Variants in CENPC observed in about 807,000 individuals in gnomAD.
CENPC encodes CENP-C 1.
A neutral mutation model predicts 112.1 loss-of-function variants in CENPC; 63 were observed. That is an observed-to-expected ratio of 0.56 (90% CI 0.46 to 0.69). The LOEUF is 0.69. Ranked by LOEUF, CENPC falls within the 30% of genes least tolerant of loss-of-function variation. CENPC has a pLI of 0.00. For missense variants in CENPC, 1,000 were observed against 1,103.8 expected (o/e 0.91, Z 1.33); for synonymous variants, 333 against 367.6 (o/e 0.91, Z 1.08).
chr4:67,517,363 T>C (rs1181873224), intron 7 of CENPC, among the ~76,000 whole-genome samples: 2 of 151,472 alleles, frequency 1.3e-5, no homozygotes, highest in Non-Finnish European at 2.9e-5. Context: ...GGTTTCACCA[T>C]GTTGGTCAGG....
rs377025154 is a variant in CENPC at position 67,518,207 on chromosome 4, T to G, written c.779A>C (p.Lys260Thr). The G allele has an allele frequency of 6.4e-7, 1 of 1,558,202 alleles. No individual in the cohort carries two copies. The change falls in exon 7 of 19, where the codon AAA (lysine) becomes ACA (threonine). Residue 260 changes from lysine to threonine, a missense_variant. Coordinates refer to ENST00000273853, the MANE Select transcript of CENPC (RefSeq NM_001812.4). ...TTCTAAAAACAATGTTGAAAAACTT[T>G]TTTTAGCTTGTCGTTGAATTTCATA... ...SEYEIQRQAK[K>T]SFSTLFLETV...
chr4:67,513,068 G>C (rs1725942177), intron 8 of CENPC, among the ~76,000 whole-genome samples: 1 of 152,064 alleles, frequency 6.6e-6, no homozygotes, highest in African/African-American at 2.4e-5. Flanking sequence ...GGAAGAAGAG[G>C]CAAGATAAAT....
intron 7 of CENPC, among the ~76,000 whole-genome samples, chr4:67,515,335 G>T (rs1340878090): frequency 2.0e-5 from 3 of 151,500 alleles, no homozygotes; most frequent in African/African-American, 7.3e-5. Context: ...GCATGATGGC[G>T]GGTGCCTGTA....
chr4:67,476,339 C>T (rs1225325201), intron 17 of CENPC, among the ~76,000 whole-genome samples: 1 of 152,152 alleles, frequency 6.6e-6, no homozygotes, highest in Non-Finnish European at 1.5e-5. Context: ...ACCGTGAGTG[C>T]CCAAAGTGTG....
At chr4:67,513,540 T>C (rs355463) in intron 8 of CENPC, among the ~76,000 whole-genome samples, 138,234 of 152,176 alleles carry the variant, frequency 0.91, 63,018 homozygotes, top group South Asian at 0.95. Context: ...AAATTTTGTA[T>C]CCTTCCTTTT....
chr4:67,520,871 G>A lies in CENPC; in HGVS notation c.332-1369C>T, dbSNP rs529370049. 8.5e-5 allele frequency among the ~76,000 whole-genome samples: 13 copies of A among 152,100 alleles called. No individual in the cohort carries two copies. In the East Asian group the frequency reaches 2.3e-3, roughly 27 times the overall value. ...TACTAAAAATACAAAAATTAGCCAG[G>A]CGTAGTGGCACATGCCTGTAATCCC... On this transcript the variant is annotated intron_variant, in intron 5 of 18. Transcript: ENST00000273853.
rs536021619 is a variant in CENPC, at chr4:67,511,318, A to G, written c.1612+1084T>C. 3.0e-4 allele frequency among the ~76,000 whole-genome samples: 45 copies of G among 152,254 alleles called. No individual in the cohort carries two copies. The South Asian group carries it at 8.9e-3, about 30-fold the overall frequency. ...ATAGCAATAAGGCCTCACATATACAATGCCATAGTTGTACTAATCATTCAC... is the reference window on the plus strand; with the variant it reads ...ATAGCAATAAGGCCTCACATATACAGTGCCATAGTTGTACTAATCATTCAC... On this transcript the variant is annotated intron_variant, in intron 9 of 18. Coordinates refer to ENST00000273853, the MANE Select transcript of CENPC (RefSeq NM_001812.4).
At position 67,545,444 on chromosome 4, in the gene CENPC, C is replaced by T. The variant is rs1393955196; in HGVS notation, c.-89G>A. The T allele has an allele frequency of 1.5e-6, 2 of 1,354,904 alleles. No individual in the cohort carries two copies. The highest frequency in any genetic ancestry group is 2.0e-6 in the Non-Finnish European group (2 of 1,023,138). 83.9% of individuals were successfully genotyped at this position (1,354,904 alleles called of 1,614,324 possible). ...GGAAGCCGAGCAAGAAACGAATCGC[C>T]GGAATACCAGGCCGCGGCCAAGCAA... On this transcript the variant is annotated 5_prime_UTR_variant, in exon 1 of 19. Coordinates refer to ENST00000273853, the MANE Select transcript of CENPC (RefSeq NM_001812.4).
At chr4:67,475,990 C>T (rs1724794904) in intron 17 of CENPC, among the ~76,000 whole-genome samples, 2 of 152,304 alleles carry the variant, frequency 1.3e-5, no homozygotes, top group South Asian at 4.1e-4. Context: ...TATAAGGTTA[C>T]AATGGCATTT....
chr4:67,496,726 A>G lies in CENPC; in HGVS notation c.2132-1514T>C, dbSNP rs1725440925. 2.6e-5 allele frequency among the ~76,000 whole-genome samples: 4 copies of G among 152,206 alleles called. No homozygotes were observed. In the South Asian group the frequency reaches 8.3e-4, roughly 31 times the overall value. ...GGTAGGCCCAGGGAAAGGAAATGAA[A>G]GTCGGCTACTAAAGGGTAAAGGGGT... On this transcript the variant is annotated intron_variant, in intron 12 of 18. Coordinates refer to ENST00000273853, the MANE Select transcript of CENPC (RefSeq NM_001812.4).
intron 11 of CENPC, among the ~76,000 whole-genome samples, chr4:67,505,861 T>C (rs913627296): frequency 6.6e-6 from 1 of 152,024 alleles, no homozygotes. Context: ...AGTAACAGAC[T>C]TAGTAAATTC....
chr4:67,519,562 G>C (rs1726163669), intron 5 of CENPC, 60 bp from the exon 6 acceptor site: 1 of 1,153,020 alleles, frequency 8.7e-7, no homozygotes, highest in African/African-American at 1.6e-5. Flanking sequence ...GAATCAAGCA[G>C]GCTTTTTAAA....
intron 4 of CENPC, among the ~76,000 whole-genome samples, chr4:67,539,114 T>G (rs1261219554): frequency 1.3e-5 from 2 of 152,172 alleles, no homozygotes; most frequent in Admixed American, 1.3e-4. Flanking sequence ...CAAAAAAAGT[T>G]AATACTTTAT....
In CENPC at chr4:67,470,231, G is replaced by A. The variant is rs1269775692; in HGVS notation, c.*2374C>T. ...AGACGTGGCTCTGACCAAGCAGAATGGAGAGCCTTTGCTGAACCATATGGG... is the reference window on the plus strand; with the variant it reads ...AGACGTGGCTCTGACCAAGCAGAATAGAGAGCCTTTGCTGAACCATATGGG... On this transcript the variant is annotated 3_prime_UTR_variant, in exon 19 of 19. Coordinates refer to ENST00000273853, the MANE Select transcript of CENPC (RefSeq NM_001812.4). 6.6e-6 allele frequency: 1 copy of A among 152,180 alleles called. No individual in the cohort carries two copies. The allele number at this position is 152,180 out of a possible 1,614,324, so 9.4% of individuals were successfully genotyped here.
Position 67,520,737 on chromosome 4 carries a change from C to T in CENPC, c.332-1235G>A, listed in dbSNP as rs372417894. 1.4e-4 allele frequency among the ~76,000 whole-genome samples: 21 copies of T among 152,186 alleles called. No individual in the cohort carries two copies. The South Asian group carries it at 1.5e-3, about 11-fold the overall frequency. On this transcript the variant is annotated intron_variant, in intron 5 of 18. Transcript: ENST00000273853. ...ATAAAACTAGGAAAGAGGGGCTGGG[C>T]GCAGTGGTTCATGCCTGCAATCCCA...
rs1042027424 is a variant in CENPC, at chr4:67,470,469, G to C, written c.*2136C>G. On this transcript the variant is annotated 3_prime_UTR_variant, in exon 19 of 19. Transcript: ENST00000273853. ...CAACTGTAATCCCAGCTACTCAGGAGGCTGACGCAGGAGAATTGCTTGAAC... is the reference window on the plus strand; with the variant it reads ...CAACTGTAATCCCAGCTACTCAGGACGCTGACGCAGGAGAATTGCTTGAAC... The C allele has an allele frequency of 6.6e-6, 1 of 151,472 alleles. No homozygotes were observed. Among genetic ancestry groups the C allele is most frequent in the Admixed American group, 6.6e-5 (1 of 15,138 alleles). The allele number at this position is 151,472 out of a possible 1,614,324, so 9.4% of individuals were successfully genotyped here.
chr4:67,473,176 C>T (rs539995351), intron 18 of CENPC, among the ~76,000 whole-genome samples: 1 of 151,686 alleles, frequency 6.6e-6, no homozygotes, highest in Non-Finnish European at 1.5e-5. Flanking sequence ...GCTATCCTCC[C>T]GCCTCTTGCC....
At chr4:67,534,064 T>C (rs355485) in intron 4 of CENPC, among the ~76,000 whole-genome samples, 95,735 of 151,656 alleles carry the variant, frequency 0.63, 30,441 homozygotes, top group East Asian at 0.81. Flanking sequence ...ACAGAGGGTG[T>C]TAAAAGCGTG....
In CENPC at chr4:67,470,160, TG is replaced by T. The variant is rs1315357162; in HGVS notation, c.*2444del. 1.3e-4 allele frequency: 20 copies of T among 152,212 alleles called. No individual in the cohort carries two copies. Among genetic ancestry groups the T allele is most frequent in the African/African-American group, 4.1e-4 (17 of 41,438 alleles). 9.4% of individuals were successfully genotyped at this position (152,212 alleles called of 1,614,324 possible). On this transcript the variant is annotated 3_prime_UTR_variant, in exon 19 of 19. Coordinates refer to ENST00000273853, the MANE Select transcript of CENPC (RefSeq NM_001812.4). The stretch of plus-strand genomic sequence containing the variant: ...ATGTGCAGAGCAAAATTCTGAGACA[TG>T]ACAGAAGCCTATGAGCTGAACAGAG...
Sources: gnomAD v4.1 joint callset for allele counts (sites outside exome capture counted in the v4.1 genomes callset) on GRCh38, gnomAD v4.1.1 for gene constraint, MANE v1.5 for transcripts, NCBI Gene and HGNC (gene_info 2026-07-23, HGNC 2026-07-21) for gene names.